Variants in OR9Q1 observed in about 807,000 individuals in gnomAD.
OR9Q1 encodes the protein olfactory receptor family 9 subfamily Q member 1.
For synonymous variants in OR9Q1, 153 were observed against 148.6 expected (o/e 1.03, Z -0.22); for missense variants, 374 against 378.8 (o/e 0.99, Z 0.11).
rs1435911968 is a variant in OR9Q1 at position 58,180,566 on chromosome 11, G to C, written c.*189G>C. The C allele has an allele frequency of 6.8e-6, 3 of 439,106 alleles. No individual in the cohort carries two copies. The highest frequency in any genetic ancestry group is 3.3e-5 in the East Asian group (1 of 30,072). The allele number at this position is 439,106 out of a possible 1,614,324, so 27.2% of individuals were successfully genotyped here. Reference sequence around the variant, plus strand: ...GAAAAGTCAACCTGAAAAGAGATTGGAGTGGGAGTTTTGATTCCCAGGACA... The same window carrying C: ...GAAAAGTCAACCTGAAAAGAGATTGCAGTGGGAGTTTTGATTCCCAGGACA... On this transcript the variant is annotated 3_prime_UTR_variant, in exon 3 of 3. Transcript: ENST00000335397.
At position 58,060,485 on chromosome 11, in the gene OR9Q1, G is replaced by T. The variant is rs190661295; in HGVS notation, c.-15+4538G>T. On this transcript the variant is annotated intron_variant, in intron 2 of 2. Coordinates refer to ENST00000335397, the MANE Select transcript of OR9Q1 (RefSeq NM_001005212.4). ...TCTCCAGCCCTCCTGCCTAAGGAAAGCTGGGAGGCTTTTGGAGCAGAGGGG... is the reference window on the plus strand; with the variant it reads ...TCTCCAGCCCTCCTGCCTAAGGAAATCTGGGAGGCTTTTGGAGCAGAGGGG... 1.1e-4 allele frequency among the ~76,000 whole-genome samples: 17 copies of T among 152,352 alleles called. 1 individual carries two copies. The highest frequency in any genetic ancestry group is 2.9e-4 in the African/African-American group (12 of 41,578).
At chr11:58,070,497 C>A (rs1002342449) in intron 2 of OR9Q1, among the ~76,000 whole-genome samples, 1 of 152,206 alleles carries the variant, frequency 6.6e-6, no homozygotes, top group African/African-American at 2.4e-5. Context: ...AATGCTCATG[C>A]ACATCAATTT....
chr11:58,028,488 A>T (rs1852997020), intron 1 of OR9Q1, among the ~76,000 whole-genome samples: 1 of 152,200 alleles, frequency 6.6e-6, no homozygotes, highest in Non-Finnish European at 1.5e-5. Context: ...TCTAAATCTC[A>T]TCCTCTCCAT....
chr11:58,119,091 C>T (rs867201983), intron 2 of OR9Q1: 3 of 1,613,940 alleles, frequency 1.9e-6, no homozygotes, highest in Admixed American at 1.7e-5. Context: ...GATCATAGGC[C>T]ATCACTGCCA....
intron 2 of OR9Q1, among the ~76,000 whole-genome samples, chr11:58,161,822 G>C (rs1429465562): frequency 6.6e-6 from 1 of 152,148 alleles, no homozygotes; most frequent in Non-Finnish European, 1.5e-5. Context: ...GTGAGCCACC[G>C]CACCCGGCCC....
Position 58,075,923 on chromosome 11 carries a change from T to G in OR9Q1, c.-15+19976T>G, listed in dbSNP as rs147620400. ...GCCAACCTCTGTACCAAGTACTGGA[T>G]ATGCATTAACTCAGGGATCAACAAT... On this transcript the variant is annotated intron_variant, in intron 2 of 2. Transcript: ENST00000335397. Among the ~76,000 whole-genome samples the G allele has an allele frequency of 4.9e-3, 751 of 152,304 alleles. 7 individuals carry two copies. The highest frequency in any genetic ancestry group is 8.9e-3 in the Non-Finnish European group (602 of 68,022).
At chr11:58,095,645 T>C (rs558238057) in intron 2 of OR9Q1, among the ~76,000 whole-genome samples, 2 of 152,260 alleles carry the variant, frequency 1.3e-5, no homozygotes, top group Non-Finnish European at 2.9e-5. Flanking sequence ...TCAGATCTCA[T>C]GAGAACTAGC....
At chr11:58,074,798 G>T (rs1303041213) in intron 2 of OR9Q1, among the ~76,000 whole-genome samples, 1 of 152,266 alleles carries the variant, frequency 6.6e-6, no homozygotes, top group Non-Finnish European at 1.5e-5. Context: ...TGTAAGGAAG[G>T]GGTCCAGTTT....
At chr11:58,035,295 C>T (rs1001045967) in intron 1 of OR9Q1, among the ~76,000 whole-genome samples, 1 of 152,034 alleles carries the variant, frequency 6.6e-6, no homozygotes, top group Non-Finnish European at 1.5e-5. Context: ...GTAGACAATC[C>T]ACAGTTTTTG....
intron 2 of OR9Q1, among the ~76,000 whole-genome samples, chr11:58,142,281 C>T (rs1182262205): frequency 1.3e-5 from 2 of 151,892 alleles, no homozygotes; most frequent in Non-Finnish European, 2.9e-5. Context: ...AAGGCAGGAC[C>T]CTTTGTTTTG....
At chr11:58,110,894 G>A (rs1853893363) in intron 2 of OR9Q1, among the ~76,000 whole-genome samples, 1 of 152,018 alleles carries the variant, frequency 6.6e-6, no homozygotes, top group Non-Finnish European at 1.5e-5. Context: ...GGGTGGAGTC[G>A]CCTCCATCAG....
chr11:58,101,678 T>G (rs1853784585), intron 2 of OR9Q1, among the ~76,000 whole-genome samples: 1 of 152,154 alleles, frequency 6.6e-6, no homozygotes, highest in African/African-American at 2.4e-5. Context: ...TGCATTTGGT[T>G]TTGGGGTCTT....
intron 2 of OR9Q1, among the ~76,000 whole-genome samples, chr11:58,065,973 C>T (rs1419272918): frequency 6.6e-6 from 1 of 152,184 alleles, no homozygotes; most frequent in Non-Finnish European, 1.5e-5. Context: ...CCCCCAAAGA[C>T]TCTGAGGGAA....
intron 1 of OR9Q1, among the ~76,000 whole-genome samples, chr11:58,048,679 A>T (rs57948007): frequency 0.72 from 94,697 of 131,870 alleles, 33,694 homozygotes; most frequent in African/African-American, 0.79. Context: ...TAAAAAAAAA[A>T]ATATATATAT....
chr11:58,039,609 A>G (rs919445518), intron 1 of OR9Q1, among the ~76,000 whole-genome samples: 3 of 152,212 alleles, frequency 2.0e-5, no homozygotes, highest in East Asian at 1.9e-4. Context: ...CAGACTTTGC[A>G]TAGGTGGTCA....
chr11:58,154,059 CAGAG>C (rs1288799802), intron 2 of OR9Q1, among the ~76,000 whole-genome samples: 2 of 148,270 alleles, frequency 1.3e-5, no homozygotes, highest in African/African-American at 2.5e-5. Context: ...TGGAGAGAGA[CAGAG>C]AGGGAGAGAG....
intron 1 of OR9Q1, among the ~76,000 whole-genome samples, chr11:58,032,464 T>C (rs980525783): frequency 3.9e-5 from 6 of 152,104 alleles, no homozygotes; most frequent in Admixed American, 2.6e-4. Context: ...AATAAAACTG[T>C]ACATTGCTAC....
At chr11:58,123,300 C>CT (rs1854054437) in intron 2 of OR9Q1, among the ~76,000 whole-genome samples, 1 of 152,162 alleles carries the variant, frequency 6.6e-6, no homozygotes, top group Admixed American at 6.5e-5. Flanking sequence ...TTAATCAGAG[C>CT]TTTTTTACCT....
At chr11:58,025,907 T>C (rs1355670851) in intron 1 of OR9Q1, among the ~76,000 whole-genome samples, 2 of 152,154 alleles carry the variant, frequency 1.3e-5, no homozygotes, top group African/African-American at 4.8e-5. Context: ...CCCCTCCCTC[T>C]ACTGCACTTG....
Sources: allele counts gnomAD v4.1 joint callset (sites outside exome capture counted in the v4.1 genomes callset), GRCh38; gene constraint gnomAD v4.1.1; transcripts MANE v1.5; gene names NCBI Gene and HGNC (gene_info 2026-07-23, HGNC 2026-07-21).